The following CENPW variants were observed in gnomAD, a reference collection of about 807,000 sequenced individuals.
CENPW encodes the protein centromere protein W.
A neutral mutation model predicts 11.1 loss-of-function variants in CENPW; 3 were observed. The ratio of observed to expected loss-of-function variants is 0.27; its 90% CI spans 0.12 to 0.70. The LOEUF is 0.70. Among genes scored for constraint, CENPW ranks in the 30% least tolerant of loss-of-function variants. CENPW has a pLI of 0.77. For synonymous variants in CENPW, 38 were observed against 42.0 expected, an observed-to-expected ratio of 0.91 and a Z score of 0.37; for missense variants, 100 against 105.6, an observed-to-expected ratio of 0.95 and a Z score of 0.23.
chr6:126,449,648 A>G, the CENPW span, among the ~76,000 whole-genome samples: 1 of 151,240 alleles, frequency 6.6e-6, no homozygotes, highest in South Asian at 2.1e-4. Context: ...ACTAGTAAAT[A>G]GCTTCACAAA....
chr6:126,379,544 G>A, the CENPW span, among the ~76,000 whole-genome samples: 2 of 152,138 alleles, frequency 1.3e-5, no homozygotes, highest in Non-Finnish European at 2.9e-5. Flanking sequence ...CTAACCCTCT[G>A]CTTCCCCTGA....
chr6:126,476,832 A>C, the CENPW span, among the ~76,000 whole-genome samples: 6 of 151,954 alleles, frequency 3.9e-5, no homozygotes, highest in African/African-American at 1.4e-4. Context: ...GATCATAAAG[A>C]GAAGAATTGT....
chr6:126,424,344 T>A, the CENPW span, among the ~76,000 whole-genome samples: 7 of 152,292 alleles, frequency 4.6e-5, no homozygotes, highest in African/African-American at 1.7e-4. Context: ...GACCTCTTAT[T>A]CAGCTAGTAT....
chr6:126,438,307 T>C, the CENPW span, among the ~76,000 whole-genome samples: 2 of 151,758 alleles, frequency 1.3e-5, no homozygotes, highest in East Asian at 3.9e-4. Flanking sequence ...TTCATTTGGA[T>C]ACAAACCTTA....
the CENPW span, among the ~76,000 whole-genome samples, chr6:126,354,288 C>CT: frequency 2.0e-5 from 3 of 152,140 alleles, 1 homozygote; most frequent in Middle Eastern, 6.3e-3. Flanking sequence ...CACTTGGCCT[C>CT]TTTTTACCCC....
chr6:126,436,970 T>C, the CENPW span, among the ~76,000 whole-genome samples: 1 of 151,840 alleles, frequency 6.6e-6, no homozygotes, highest in Non-Finnish European at 1.5e-5. Flanking sequence ...GAGTTGTAGT[T>C]TGCATTATGT....
the CENPW span, among the ~76,000 whole-genome samples, chr6:126,450,858 T>C: frequency 3.3e-5 from 5 of 151,024 alleles, no homozygotes; most frequent in South Asian, 1.0e-3. Flanking sequence ...AAATTAACAA[T>C]ACAACATTTA....
At chr6:126,464,610 G>A in the CENPW span, among the ~76,000 whole-genome samples, 1 of 152,168 alleles carries the variant, frequency 6.6e-6, no homozygotes, top group Non-Finnish European at 1.5e-5. Context: ...CAGACTCCAA[G>A]TTCTTGAACT....
chr6:126,473,544 C>T, the CENPW span, among the ~76,000 whole-genome samples: 1 of 151,818 alleles, frequency 6.6e-6, no homozygotes, highest in Non-Finnish European at 1.5e-5. Context: ...CCAGCCTGGC[C>T]AACATGGTGA....
intron 2 of CENPW, among the ~76,000 whole-genome samples, 158 bp downstream of exon 2, chr6:126,346,476 C>T (rs1780413881): frequency 6.6e-6 from 1 of 152,226 alleles, no homozygotes; most frequent in Non-Finnish European, 1.5e-5. Flanking sequence ...AGTTATATTT[C>T]CTCCATATGT....
the CENPW span, among the ~76,000 whole-genome samples, chr6:126,360,421 A>C: frequency 6.6e-6 from 1 of 152,060 alleles, no homozygotes; most frequent in African/African-American, 2.4e-5. Context: ...GTTGTCTCCT[A>C]TAGTACCTAG....
At chr6:126,412,749 T>G in the CENPW span, among the ~76,000 whole-genome samples, 3 of 152,190 alleles carry the variant, frequency 2.0e-5, no homozygotes, top group Non-Finnish European at 4.4e-5. Context: ...TCTGTTCATT[T>G]TTTAAAATTC....
chr6:126,405,841 TA>T, the CENPW span, among the ~76,000 whole-genome samples: 9 of 152,164 alleles, frequency 5.9e-5, no homozygotes, highest in Non-Finnish European at 8.8e-5. Context: ...ACATTGATTT[TA>T]TATCTTGGAA....
At chr6:126,464,391 ATTG>A in the CENPW span, among the ~76,000 whole-genome samples, 3 of 152,020 alleles carry the variant, frequency 2.0e-5, no homozygotes, top group Non-Finnish European at 4.4e-5. Flanking sequence ...GATGCAAAGT[ATTG>A]TTTCTGGGTG....
At chr6:126,393,216 T>A in the CENPW span, among the ~76,000 whole-genome samples, 5 of 151,908 alleles carry the variant, frequency 3.3e-5, no homozygotes, top group Non-Finnish European at 7.4e-5. Flanking sequence ...GTCAATTTCG[T>A]TTATGTTTTA....
At chr6:126,351,475 T>C (rs767971813), downstream of CENPW, among the ~76,000 whole-genome samples, 16 of 152,120 alleles carry the variant, frequency 1.1e-4, no homozygotes, top group Non-Finnish European at 1.8e-4. Context: ...GGGGTGTTTA[T>C]ATGCCACATA....
the CENPW span, among the ~76,000 whole-genome samples, chr6:126,363,654 C>T: frequency 5.2e-4 from 79 of 152,154 alleles, no homozygotes; most frequent in African/African-American, 1.8e-3. Flanking sequence ...TAGCCTGTAC[C>T]ATTGGTTCAA....
At chr6:126,354,769 T>C in the CENPW span, among the ~76,000 whole-genome samples, 2 of 152,152 alleles carry the variant, frequency 1.3e-5, no homozygotes, top group Non-Finnish European at 2.9e-5. Flanking sequence ...ATCTTTGCTC[T>C]TCAATTAAAT....
chr6:126,467,016 A>G, the CENPW span, among the ~76,000 whole-genome samples: 1 of 152,216 alleles, frequency 6.6e-6, no homozygotes, highest in African/African-American at 2.4e-5. Flanking sequence ...GTGAAAAAAC[A>G]TTTCATGCTC....
Sources: gnomAD v4.1 joint callset for allele counts (sites outside exome capture counted in the v4.1 genomes callset) on GRCh38, gnomAD v4.1.1 for gene constraint, MANE v1.5 for transcripts, NCBI Gene and HGNC (gene_info 2026-07-23, HGNC 2026-07-21) for gene names.